EYA1: variants seen among roughly 807,000 people sequenced by gnomAD.
EYA1 encodes EYA transcriptional coactivator and phosphatase 1.
Under a neutral mutation model 82.0 loss-of-function variants are expected in EYA1, and 16 were observed. The observed-to-expected ratio is 0.20, with a 90% CI of 0.13 to 0.30. The LOEUF (loss-of-function observed/expected upper bound fraction) is 0.30. EYA1 is among the 10% of genes least tolerant of loss of function. The probability of loss-of-function intolerance (pLI) is 1.00; values close to 1 mark genes in which losing one functional copy is unlikely to be tolerated. For synonymous variants in EYA1, 261 were observed against 264.4 expected (o/e 0.99, Z 0.12); for missense variants, 633 against 730.7 (o/e 0.87, Z 1.54).
At chr8:71,319,126 A>G (rs964988525) in intron 6 of EYA1, among the ~76,000 whole-genome samples, 5 of 143,648 alleles carry the variant, frequency 3.5e-5, no homozygotes, top group African/African-American at 1.3e-4. Flanking sequence ...AATACCAATA[A>G]TTCATGTATT....
chr8:71,338,500 T>C (rs573544122), intron 3 of EYA1, among the ~76,000 whole-genome samples: 14 of 152,118 alleles, frequency 9.2e-5, no homozygotes, highest in South Asian at 2.1e-4. Context: ...TATCAGACCA[T>C]TGGAGCTCGG....
At chr8:71,282,986 T>C (rs1337971736) in intron 9 of EYA1, among the ~76,000 whole-genome samples, 1 of 149,074 alleles carries the variant, frequency 6.7e-6, no homozygotes, top group Non-Finnish European at 1.5e-5. Flanking sequence ...TGTCCATGAC[T>C]AGAGAAATTA....
chr8:71,286,732 G>T (rs1018301786), intron 9 of EYA1, among the ~76,000 whole-genome samples: 4 of 151,170 alleles, frequency 2.6e-5, no homozygotes, highest in Non-Finnish European at 5.9e-5. Context: ...GATCTATGAA[G>T]TTATGGGTCA....
At chr8:71,424,152 C>T (rs1586690089) in intron 2 of EYA1, among the ~76,000 whole-genome samples, 1 of 152,140 alleles carries the variant, frequency 6.6e-6, no homozygotes, top group East Asian at 1.9e-4. Context: ...GCAACACCAC[C>T]TATACCAGGC....
At position 71,345,583 on chromosome 8, in the gene EYA1, G is replaced by T. The variant is rs573597484; in HGVS notation, c.124+9199C>A. On this transcript the variant is annotated intron_variant, in intron 3 of 17. Transcript: ENST00000340726. ...TGTGATTGTGTTTTTTTTAGTTTAG[G>T]TAAGTCCGACTACAAAACTGCTCTC... Among the ~76,000 whole-genome samples, 5 of 152,114 alleles carry T rather than the reference G, an allele frequency of 3.3e-5. No homozygotes were observed. In the East Asian group the frequency reaches 9.7e-4, roughly 29 times the overall value.
At chr8:71,205,547 C>A (rs997392242) in intron 17 of EYA1, among the ~76,000 whole-genome samples, 1 of 152,080 alleles carries the variant, frequency 6.6e-6, no homozygotes, top group African/African-American at 2.4e-5. Flanking sequence ...GCAAGAGATC[C>A]TTTCAATATG....
chr8:71,476,388 A>G (rs1809665659), intron 2 of EYA1, among the ~76,000 whole-genome samples: 1 of 152,126 alleles, frequency 6.6e-6, no homozygotes. Context: ...AGATGTATTT[A>G]TTTCTCAAAA....
chr8:71,344,513 A>T (rs1429156610), intron 3 of EYA1, among the ~76,000 whole-genome samples: 1 of 152,210 alleles, frequency 6.6e-6, no homozygotes, highest in Admixed American at 6.5e-5. Flanking sequence ...TGTGTAATTC[A>T]TAGATGAGGA....
At chr8:71,523,178 TC>T (rs200021405) in intron 2 of EYA1, among the ~76,000 whole-genome samples, 2,584 of 115,870 alleles carry the variant, frequency 0.022, 86 homozygotes, top group Non-Finnish European at 0.035. Context: ...TTTTTCTTTT[TC>T]TTTTTTTTTT....
chr8:71,519,683 T>C (rs201598172), intron 2 of EYA1, among the ~76,000 whole-genome samples: 26 of 147,058 alleles, frequency 1.8e-4, no homozygotes, highest in Admixed American at 4.1e-4. Flanking sequence ...AAAAAAAAAA[T>C]CCCCTGGGTC....
chr8:71,296,870 C>T (rs1309567876), intron 9 of EYA1, among the ~76,000 whole-genome samples: 1 of 152,026 alleles, frequency 6.6e-6, no homozygotes, highest in Non-Finnish European at 1.5e-5. Context: ...AAAACTTAGC[C>T]TGAATCTGCG....
At chr8:71,406,414 C>A (rs1475227486) in intron 2 of EYA1, among the ~76,000 whole-genome samples, 1 of 152,198 alleles carries the variant, frequency 6.6e-6, no homozygotes, top group Non-Finnish European at 1.5e-5. Flanking sequence ...CAGCTCCCAG[C>A]GTGAGCGACG....
chr8:71,433,687 G>T (rs1381442561), intron 2 of EYA1, among the ~76,000 whole-genome samples: 1 of 152,194 alleles, frequency 6.6e-6, no homozygotes, highest in Non-Finnish European at 1.5e-5. Context: ...GTGACTGGTG[G>T]TCTGAGAACA....
intron 2 of EYA1, among the ~76,000 whole-genome samples, chr8:71,485,668 AT>A (rs573757001): frequency 2.0e-4 from 31 of 151,932 alleles, no homozygotes; most frequent in Non-Finnish European, 3.8e-4. Context: ...TTTATATTGT[AT>A]TTTTTTTAAG....
Position 71,303,695 on chromosome 8 carries a change from G to A in EYA1, c.557-3975C>T, listed in dbSNP as rs1342066810. Reference sequence around the variant, plus strand: ...ACCCAAGTGACTTTCCAGACTAAATGCTACTTCCAAGACTGGAACATACAA... The same window carrying A: ...ACCCAAGTGACTTTCCAGACTAAATACTACTTCCAAGACTGGAACATACAA... On this transcript the variant is annotated intron_variant, in intron 7 of 17. Transcript: ENST00000340726. 6.4e-5 allele frequency among the ~76,000 whole-genome samples: 9 copies of A among 141,084 alleles called. 2 individuals carry two copies. The highest frequency in any genetic ancestry group is 2.3e-4 in the African/African-American group (9 of 39,958). The allele number at this position is 141,084 out of a possible 152,430, so 92.6% of individuals were successfully genotyped here. A position where few individuals can be genotyped will look rare whatever the true frequency, so the allele number is the denominator to read the frequency against.
rs150100934 is a variant in EYA1 at position 71,387,609 on chromosome 8, T to G, written c.34-31098A>C. On this transcript the variant is annotated intron_variant, in intron 2 of 18. Transcript: ENST00000643681. Reference sequence around the variant, plus strand: ...TGGTAGAGCTCAGGAACAGCAATGCTGACGGCACCCACATTTCTAACTTCA... The same window carrying G: ...TGGTAGAGCTCAGGAACAGCAATGCGGACGGCACCCACATTTCTAACTTCA... 9.9e-5 allele frequency among the ~76,000 whole-genome samples: 15 copies of G among 152,270 alleles called. No homozygotes were observed. The East Asian group carries it at 2.7e-3, about 27-fold the overall frequency.
At chr8:71,277,526 A>C (rs1045431101) in intron 9 of EYA1, among the ~76,000 whole-genome samples, 1 of 152,162 alleles carries the variant, frequency 6.6e-6, no homozygotes, top group East Asian at 1.9e-4. Flanking sequence ...GATCAAACTC[A>C]AGAATCTTTG....
Position 71,340,873 on chromosome 8 carries a change from A to T in EYA1, c.125-6699T>A, listed in dbSNP as rs1419191699. Among the ~76,000 whole-genome samples, 7 of 152,204 alleles carry T rather than the reference A, an allele frequency of 4.6e-5. No individual in the cohort carries two copies. The East Asian group carries it at 1.2e-3, about 25-fold the overall frequency. ...CAATATTTATTGAGGGAATGGATAAAGATAAACTGACTTAAAAGACAGGTT... is the reference window on the plus strand; with the variant it reads ...CAATATTTATTGAGGGAATGGATAATGATAAACTGACTTAAAAGACAGGTT... On this transcript the variant is annotated intron_variant, in intron 3 of 17. Transcript: ENST00000340726.
intron 2 of EYA1, chr8:71,404,338 T>C (rs1830103552): frequency 6.6e-6 from 1 of 152,234 alleles, no homozygotes; most frequent in South Asian, 2.1e-4. Context: ...TTAATGGGTC[T>C]TGGAATGACT....
Sources: allele counts gnomAD v4.1 joint callset (sites outside exome capture counted in the v4.1 genomes callset), GRCh38; gene constraint gnomAD v4.1.1; transcripts MANE v1.5; gene names NCBI Gene and HGNC (gene_info 2026-07-23, HGNC 2026-07-21).